Variants in CA10 observed in about 807,000 individuals in gnomAD.
The protein encoded by CA10 is carbonic anhydrase-related protein 10.
In CA10, 14 loss-of-function variants were observed where a neutral mutation model predicts 44.2. The ratio of observed to expected loss-of-function variants is 0.32; its 90% confidence interval spans 0.21 to 0.50. The LOEUF is 0.50. Among genes scored for constraint, CA10 ranks in the 20% least tolerant of loss-of-function variants. CA10 has a pLI of 0.99. For synonymous variants in CA10, 159 were observed against 141.6 expected (o/e 1.12, Z -0.87); for missense variants, 350 against 409.7 (o/e 0.85, Z 1.26).
chr17:52,040,122 C>T (rs1205424991), intron 2 of CA10, among the ~76,000 whole-genome samples: 1 of 149,118 alleles, frequency 6.7e-6, no homozygotes, highest in Non-Finnish European at 1.5e-5. Flanking sequence ...AAATTAAGAT[C>T]CCCTTTTTCC....
chr17:51,982,324 T>C (rs1475904982), intron 2 of CA10, among the ~76,000 whole-genome samples: 2 of 151,918 alleles, frequency 1.3e-5, no homozygotes, highest in East Asian at 3.9e-4. Flanking sequence ...ATCACTACTA[T>C]CAACAGCCAC....
At chr17:51,959,591 G>C (rs1377075546) in intron 2 of CA10, among the ~76,000 whole-genome samples, 1 of 151,916 alleles carries the variant, frequency 6.6e-6, no homozygotes, top group Non-Finnish European at 1.5e-5. Flanking sequence ...AACCAAGGCA[G>C]CGTAACAACT....
intron 1 of CA10, among the ~76,000 whole-genome samples, chr17:52,134,103 T>C (rs546527334): frequency 1.8e-4 from 28 of 152,344 alleles, no homozygotes; most frequent in African/African-American, 6.7e-4. Flanking sequence ...ATCTTCACTC[T>C]ATACGTTATT....
At chr17:51,804,806 T>C (rs1907066467) in intron 3 of CA10, among the ~76,000 whole-genome samples, 1 of 152,234 alleles carries the variant, frequency 6.6e-6, no homozygotes, top group South Asian at 2.1e-4. Flanking sequence ...TGTCTTTGTT[T>C]TATTACCTTA....
At chr17:51,634,455 C>T (rs2143207122) in intron 7 of CA10, among the ~76,000 whole-genome samples, 2 of 152,292 alleles carry the variant, frequency 1.3e-5, no homozygotes, top group East Asian at 1.9e-4. Flanking sequence ...CTTCTGCTTC[C>T]TTTGCTCATC....
intron 4 of CA10, among the ~76,000 whole-genome samples, chr17:51,700,617 C>T (rs1915564181): frequency 6.6e-6 from 1 of 152,176 alleles, no homozygotes; most frequent in South Asian, 2.1e-4. Context: ...GAAGCCTGTC[C>T]CAATGACTGT....
intron 3 of CA10, among the ~76,000 whole-genome samples, chr17:51,816,401 T>C (rs943257316): frequency 1.4e-4 from 21 of 152,346 alleles, no homozygotes; most frequent in Admixed American, 1.2e-3. Context: ...TTCTTCAATA[T>C]ACTGACTTCC....
intron 3 of CA10, among the ~76,000 whole-genome samples, chr17:51,852,055 T>C (rs1978818907): frequency 6.6e-6 from 1 of 152,186 alleles, no homozygotes. Context: ...CTCCTTTGGG[T>C]CATACAATTA....
At chr17:52,108,192 T>TA (rs1555566967) in intron 1 of CA10, among the ~76,000 whole-genome samples, 25 of 113,120 alleles carry the variant, frequency 2.2e-4, no homozygotes, top group South Asian at 5.4e-4. Flanking sequence ...TATATATATT[T>TA]TTTATATATA....
chr17:52,023,944 T>C (rs914743993), intron 2 of CA10, among the ~76,000 whole-genome samples: 11 of 152,148 alleles, frequency 7.2e-5, no homozygotes, highest in Non-Finnish European at 1.6e-4. Context: ...TTTACCTATG[T>C]GTAGTTTTAT....
rs114750089 is a variant in CA10, at chr17:51,639,896, G to A, written c.635-3887C>T. On this transcript the variant is annotated intron_variant, in intron 6 of 8. Transcript: ENST00000451037. ...ATGGTTGGAGTACTTTGCTCACGGG[G>A]TTGTTTGAGGAATAAACAGGATCAT... Among the ~76,000 whole-genome samples, 403 of 152,260 alleles carry A rather than the reference G, an allele frequency of 2.6e-3. 1 individual carries two copies. The highest frequency in any genetic ancestry group is 8.0e-3 in the African/African-American group (331 of 41,570).
chr17:52,133,483 C>T (rs1288275495), intron 1 of CA10, among the ~76,000 whole-genome samples: 1 of 151,872 alleles, frequency 6.6e-6, no homozygotes, highest in Non-Finnish European at 1.5e-5. Context: ...GAAGAAGAGG[C>T]TTCAGGATTT....
At chr17:52,008,166 TATTTC>T (rs1004691695) in intron 2 of CA10, among the ~76,000 whole-genome samples, 1 of 151,834 alleles carries the variant, frequency 6.6e-6, no homozygotes, top group African/African-American at 2.4e-5. Context: ...CTTTGTTTTC[TATTTC>T]ATTATTGCTT....
chr17:51,984,976 C>T (rs150461253), intron 2 of CA10, among the ~76,000 whole-genome samples: 60 of 151,908 alleles, frequency 3.9e-4, no homozygotes, highest in African/African-American at 1.4e-3. Context: ...CACTATTCTA[C>T]AAGACAGAGA....
At chr17:51,921,878 T>C (rs1346566277) in intron 3 of CA10, among the ~76,000 whole-genome samples, 1 of 152,220 alleles carries the variant, frequency 6.6e-6, no homozygotes, top group Non-Finnish European at 1.5e-5. Context: ...TTTATCTTTA[T>C]GCCTTTTGGG....
chr17:51,630,705 A>C lies in CA10; in HGVS notation c.*879T>G, dbSNP rs776864581. On this transcript the variant is annotated 3_prime_UTR_variant, in exon 9 of 9. Coordinates refer to ENST00000451037, the MANE Select transcript of CA10 (RefSeq NM_020178.5). ...ATGAAGGAACAAGTGAAATCAAAGA[A>C]TGCAGTTGCATGGAGCCAGGGCTTA... The C allele has an allele frequency of 3.9e-5, 6 of 152,612 alleles. No homozygotes were observed. Among genetic ancestry groups the C allele is most frequent in the Non-Finnish European group, 8.8e-5 (6 of 68,046 alleles). 9.5% of individuals were successfully genotyped at this position (152,612 alleles called of 1,614,324 possible). A position where few individuals can be genotyped will look rare whatever the true frequency, so the allele number is the denominator to read the frequency against.
chr17:52,074,749 T>C (rs1296253906), intron 1 of CA10, among the ~76,000 whole-genome samples: 1 of 152,126 alleles, frequency 6.6e-6, no homozygotes, highest in Non-Finnish European at 1.5e-5. Flanking sequence ...TATATTTCAA[T>C]GTGAAAATGC....
At chr17:51,829,781 T>G (rs1372159137) in intron 3 of CA10, among the ~76,000 whole-genome samples, 1 of 152,208 alleles carries the variant, frequency 6.6e-6, no homozygotes, top group African/African-American at 2.4e-5. Flanking sequence ...CAAACAGGAT[T>G]GGAGTCCAGG....
intron 2 of CA10, among the ~76,000 whole-genome samples, chr17:52,041,657 C>T (rs1986772143): frequency 6.6e-6 from 1 of 152,178 alleles, no homozygotes; most frequent in Middle Eastern, 3.4e-3. Flanking sequence ...AGTCACCATG[C>T]TGTACATTAG....
Sources: allele counts gnomAD v4.1 joint callset (sites outside exome capture counted in the v4.1 genomes callset), GRCh38; gene constraint gnomAD v4.1.1; transcripts MANE v1.5; gene names NCBI Gene and HGNC (gene_info 2026-07-23, HGNC 2026-07-21).